SPAG9: variants seen among roughly 807,000 people sequenced by gnomAD.
SPAG9 encodes the protein C-Jun-amino-terminal kinase-interacting protein 4.
A neutral mutation model predicts 166.5 loss-of-function variants in SPAG9; 35 were observed. The observed-to-expected ratio is 0.21, with a 90% CI of 0.16 to 0.28. SPAG9 has a LOEUF of 0.28. Among genes scored for constraint, SPAG9 ranks in the 10% least tolerant of loss-of-function variants. The pLI is 1.00. For missense variants in SPAG9, 1,235 were observed against 1,603.3 expected (o/e 0.77, Z 3.92); for synonymous variants, 534 against 565.5 (o/e 0.94, Z 0.79).
chr17:50,986,087 C>T (rs966207432), intron 22 of SPAG9, among the ~76,000 whole-genome samples: 1 of 152,240 alleles, frequency 6.6e-6, no homozygotes, highest in African/African-American at 2.4e-5. Context: ...CCTTACCTCT[C>T]TACTACACTG....
At position 50,974,800 on chromosome 17, in the gene SPAG9, T is replaced by A. The variant is rs1427596640; in HGVS notation, c.3671A>T (p.Asp1224Val). 1.2e-6 allele frequency: 2 copies of A among 1,604,320 alleles called. No homozygotes were observed. Among genetic ancestry groups the A allele is most frequent in the East Asian group, 2.2e-5 (1 of 44,586 alleles). ...GACTGCCACAAAGAATTTCACAGCA[T>A]CCCGGTGCCCATGGAAGCAAAGCTG... Reference protein sequence around the residue: ...HAQLCFHGHRDAVKFFVAVPG... With the variant: ...HAQLCFHGHRVAVKFFVAVPG... The change falls in exon 28 of 30, where the codon GAT becomes GTT. Residue 1224 changes from aspartate (D) to valine (V), a missense_variant. Physicochemically the swap from Asp to Val is radical, Grantham distance 152 (BLOSUM62 -3). Around this residue, in one of 6 missense-constraint regions of SPAG9, gnomAD observed 243 missense variants for 358.6 expected, o/e 0.68. Coordinates refer to ENST00000262013, the MANE Select transcript of SPAG9 (RefSeq NM_001130528.3).
At position 50,996,546 on chromosome 17, in the gene SPAG9, T is replaced by C; in HGVS notation, c.1968+19A>G. ...CCTCTTCTTTCCTGCTGGATGCTCT[T>C]ACCACATGTGCATATTACCTGTTTG... is the stretch of plus-strand genomic sequence containing the variant. On this transcript the variant is annotated intron_variant, in intron 16 of 29. Coordinates refer to ENST00000262013, the MANE Select transcript of SPAG9 (RefSeq NM_001130528.3). 6.2e-7 allele frequency: 1 copy of C among 1,613,978 alleles called. No individual in the cohort carries two copies. The highest frequency in any genetic ancestry group is 2.2e-5 in the East Asian group (1 of 44,868).
At chr17:51,020,552 C>T (rs1260522290) in intron 7 of SPAG9, among the ~76,000 whole-genome samples, 3 of 152,168 alleles carry the variant, frequency 2.0e-5, no homozygotes, top group African/African-American at 7.2e-5. Flanking sequence ...TTTAAAGGAA[C>T]TAAAGACAAA....
At chr17:51,030,200 C>T (rs958294980) in intron 6 of SPAG9, among the ~76,000 whole-genome samples, 8 of 152,168 alleles carry the variant, frequency 5.3e-5, no homozygotes, top group African/African-American at 1.9e-4. Context: ...GGCATTGCAG[C>T]ATAACTATTT....
At chr17:51,094,916 G>T (rs1273754070) in intron 1 of SPAG9, among the ~76,000 whole-genome samples, 1 of 152,146 alleles carries the variant, frequency 6.6e-6, no homozygotes, top group African/African-American at 2.4e-5. Flanking sequence ...AAACTGAATA[G>T]GCAATTCACA....
At chr17:50,979,120 C>T (rs2143686293) in intron 26 of SPAG9, among the ~76,000 whole-genome samples, 2 of 152,014 alleles carry the variant, frequency 1.3e-5, no homozygotes, top group Admixed American at 1.3e-4. Context: ...GCCTGTAACA[C>T]CAGCACTTTG....
intron 1 of SPAG9, among the ~76,000 whole-genome samples, chr17:51,112,971 G>GAA (rs71355712): frequency 6.7e-4 from 62 of 92,912 alleles, no homozygotes; most frequent in Non-Finnish European, 8.7e-4. Flanking sequence ...CTAAAAAAAA[G>GAA]AAAAAAAAAA....
chr17:51,053,848 AAAAAAAGTATATAT>A (rs1447207707), intron 3 of SPAG9, among the ~76,000 whole-genome samples: 5 of 64,256 alleles, frequency 7.8e-5, no homozygotes, highest in African/African-American at 3.8e-4. Context: ...AAAAAAAAAA[AAAAAAAGTATATAT>A]ATATATATAT....
At chr17:50,987,474 G>C (rs1975141438) in intron 21 of SPAG9, among the ~76,000 whole-genome samples, 1 of 151,294 alleles carries the variant, frequency 6.6e-6, no homozygotes, top group Non-Finnish European at 1.5e-5. Context: ...TGAATAACAG[G>C]GACTAGAGGC....
intron 1 of SPAG9, among the ~76,000 whole-genome samples, chr17:51,098,397 C>A (rs1219963331): frequency 7.1e-6 from 1 of 140,244 alleles, no homozygotes. Flanking sequence ...ATCACAAACA[C>A]CCTGAGTGAT....
chr17:51,010,250 G>A (rs2045411918), intron 9 of SPAG9, among the ~76,000 whole-genome samples: 1 of 152,076 alleles, frequency 6.6e-6, no homozygotes, highest in Non-Finnish European at 1.5e-5. Flanking sequence ...AAATTCACCT[G>A]TGAAGAATTT....
intron 4 of SPAG9, among the ~76,000 whole-genome samples, chr17:51,045,307 G>A (rs12232503): frequency 0.24 from 36,326 of 152,066 alleles, 5,186 homozygotes; most frequent in Admixed American, 0.34. Context: ...ATATTCTTAA[G>A]TTCAGTTGCT....
At chr17:50,999,345 G>T in intron 14 of SPAG9, 4 of 688,274 alleles carry the variant, frequency 5.8e-6, no homozygotes, top group South Asian at 2.5e-5. Flanking sequence ...TTATTTAATG[G>T]GGATCCAGGT....
chr17:51,082,938 T>C (rs575371486), intron 1 of SPAG9, among the ~76,000 whole-genome samples: 1 of 152,282 alleles, frequency 6.6e-6, no homozygotes, highest in East Asian at 1.9e-4. Context: ...GGTGGGCACA[T>C]GATTTGAACC....
chr17:51,115,116 T>G (rs2049246900), intron 1 of SPAG9, among the ~76,000 whole-genome samples: 1 of 152,152 alleles, frequency 6.6e-6, no homozygotes, highest in Non-Finnish European at 1.5e-5. Flanking sequence ...TGTTACTGCT[T>G]TAAGTGCTGA....
intron 27 of SPAG9, chr17:50,975,818 T>C: frequency 1.4e-6 from 2 of 1,459,158 alleles, no homozygotes; most frequent in Non-Finnish European, 1.9e-6. Context: ...TTACAGTGGC[T>C]ATTAGAAGCC....
chr17:51,010,394 A>C (rs1037898389), intron 9 of SPAG9, among the ~76,000 whole-genome samples: 2 of 152,040 alleles, frequency 1.3e-5, no homozygotes, highest in Non-Finnish European at 2.9e-5. Flanking sequence ...TCTCAGCCAC[A>C]TTGAGCTTAT....
chr17:51,056,456 C>T lies in SPAG9; in HGVS notation c.451G>A (p.Glu151Lys). Residue 151 changes from glutamate (E) to lysine (K), a missense_variant, in exon 3 of 30, where the codon GAA becomes AAA. By Grantham distance (56) the Glu-to-Lys change is moderately conservative. Transcript: ENST00000262013. ...AATGCATTATATTCCTTCTTCAGTT[C>T]TGCTTCTCTTTCTTCAAGTCTGCTA... is the stretch of plus-strand genomic sequence containing the variant. ...QISRLEEREA[E>K]LKKEYNALHQ... 1.2e-6 allele frequency: 2 copies of T among 1,608,990 alleles called. No homozygotes were observed. Among genetic ancestry groups the T allele is most frequent in the Non-Finnish European group, 8.5e-7 (1 of 1,175,840 alleles).
intron 8 of SPAG9, among the ~76,000 whole-genome samples, chr17:51,015,339 A>T (rs2045652193): frequency 6.6e-6 from 1 of 152,156 alleles, no homozygotes; most frequent in Non-Finnish European, 1.5e-5. Flanking sequence ...ACAGGATTAA[A>T]AAAACTGTAC....
Sources: allele counts gnomAD v4.1 joint callset (sites outside exome capture counted in the v4.1 genomes callset), GRCh38; gene constraint gnomAD v4.1.1; regional missense constraint gnomAD v4.1.1; transcripts MANE v1.5; gene names NCBI Gene and HGNC (gene_info 2026-07-23, HGNC 2026-07-21).